KEAP1: variants seen among roughly 807,000 people sequenced by gnomAD.
KEAP1 encodes kelch like ECH associated protein 1, also known as kelch-like ECH-associated protein 1.
A neutral mutation model predicts 59.7 loss-of-function variants in KEAP1; 26 were observed. That is an observed-to-expected ratio of 0.44 (90% CI 0.32 to 0.60). The LOEUF is 0.60. KEAP1 is among the 20% of genes least tolerant of loss of function. The probability of loss-of-function intolerance (pLI) is 0.06; values close to 1 mark genes in which losing one functional copy is unlikely to be tolerated. For missense variants in KEAP1, 539 were observed against 871.4 expected, an observed-to-expected ratio of 0.62 and a Z score of 4.80; for synonymous variants, 350 against 358.3, an observed-to-expected ratio of 0.98 and a Z score of 0.26.
chr19:10,489,008 T>C lies in KEAP1; in HGVS notation c.1708+184A>G, dbSNP rs140746830. Among the ~76,000 whole-genome samples, 20 of 142,000 alleles carry C rather than the reference T, an allele frequency of 1.4e-4. No individual in the cohort carries two copies. In the East Asian group the frequency reaches 3.7e-3, roughly 26 times the overall value. The allele number at this position is 142,000 out of a possible 152,430, so 93.2% of individuals were successfully genotyped here. On this transcript the variant is annotated intron_variant, in intron 5 of 5. Coordinates refer to ENST00000171111, the MANE Select transcript of KEAP1 (RefSeq NM_203500.2). ...TACTTGGGAGGCTGAGGCAGGAGGA[T>C]GGCTGGAGCCCAGGCTGTTGAGGCT...
Position 10,492,503 on chromosome 19 carries a change from G to T in KEAP1, c.640-241C>A, listed in dbSNP as rs1189059445. On this transcript the variant is annotated intron_variant, in intron 2 of 5. Transcript: ENST00000171111. ...GGAGGCCGAGGCTGGCGGATCACGAGGTCAGGAGTTGAGAGACAAGCCTGG... is the reference window on the plus strand; with the variant it reads ...GGAGGCCGAGGCTGGCGGATCACGATGTCAGGAGTTGAGAGACAAGCCTGG... The T allele has an allele frequency of 9.9e-6, 5 of 504,494 alleles. No individual in the cohort carries two copies. In the East Asian group the frequency reaches 1.4e-4, roughly 14 times the overall value. 31.3% of individuals were successfully genotyped at this position (504,494 alleles called of 1,614,324 possible).
At chr19:10,496,360 G>A (rs1914849769) in intron 2 of KEAP1, among the ~76,000 whole-genome samples, 1 of 151,336 alleles carries the variant, frequency 6.6e-6, no homozygotes, top group Non-Finnish European at 1.5e-5. Context: ...TCTGGGCATG[G>A]TGACACATGC....
At chr19:10,487,396 C>A (rs984306609) in intron 5 of KEAP1, among the ~76,000 whole-genome samples, 4 of 152,280 alleles carry the variant, frequency 2.6e-5, no homozygotes, top group South Asian at 2.1e-4. Flanking sequence ...GTGGCTCATG[C>A]CTGCAATCCC....
chr19:10,488,142 C>T (rs958118557), intron 5 of KEAP1, among the ~76,000 whole-genome samples: 5 of 151,340 alleles, frequency 3.3e-5, no homozygotes, highest in Admixed American at 2.0e-4. Flanking sequence ...AAAAAATTAG[C>T]TAGGCGTGGT....
intron 1 of KEAP1, among the ~76,000 whole-genome samples, chr19:10,500,708 GTC>G (rs1210317187): frequency 7.4e-6 from 1 of 134,362 alleles, no homozygotes; most frequent in Non-Finnish European, 1.6e-5. Context: ...TTCAGATGGA[GTC>G]TCTCTGTCAC....
chr19:10,500,528 A>C (rs1384006866), intron 1 of KEAP1, among the ~76,000 whole-genome samples: 2 of 152,198 alleles, frequency 1.3e-5, no homozygotes, highest in African/African-American at 4.8e-5. Context: ...AAGACACAGC[A>C]GTGAGCAAAA....
At chr19:10,497,073 G>A (rs1381559694) in intron 2 of KEAP1, among the ~76,000 whole-genome samples, 1 of 150,736 alleles carries the variant, frequency 6.6e-6, no homozygotes, top group Non-Finnish European at 1.5e-5. Context: ...GCAGTGAGCC[G>A]ATACAGTGCC....
In KEAP1 at chr19:10,499,493, G is replaced by C. The variant is rs2144625205; in HGVS notation, c.541C>G (p.Pro181Ala). Reference sequence around the variant, plus strand: ...TTGGCGATGCCGATGGCATTGCTGGGGTCCAGCTGCTGCACCAGGAAGTCA... The same window carrying C: ...TTGGCGATGCCGATGGCATTGCTGGCGTCCAGCTGCTGCACCAGGAAGTCA... ...CSDFLVQQLD[P>A]SNAIGIANFA... The change falls in exon 2 of 6, where the codon CCC (proline) becomes GCC (alanine). Residue 181 changes from proline to alanine, a missense_variant. Physicochemically the swap from Pro to Ala is conservative, Grantham distance 27. Around this residue, in one of 4 missense-constraint regions of KEAP1, gnomAD observed 166 missense variants for 295.8 expected, o/e 0.56. Coordinates refer to ENST00000171111, the MANE Select transcript of KEAP1 (RefSeq NM_203500.2). The surrounding 1 kb of genome is among the most constrained non-coding windows in gnomAD (Gnocchi z 6.7). 6.2e-7 allele frequency: 1 copy of C among 1,614,148 alleles called. No individual in the cohort carries two copies. Among genetic ancestry groups the C allele is most frequent in the Non-Finnish European group, 8.5e-7 (1 of 1,180,042 alleles).
Position 10,500,694 on chromosome 19 carries a change from T to C in KEAP1, c.-47-614A>G, listed in dbSNP as rs1004359348. The stretch of plus-strand genomic sequence containing the variant: ...GCAGTTTGTTTGCTTTTTTTTTTTT[T>C]TTTTTCAGATGGAGTCTCTCTGTCA... On this transcript the variant is annotated intron_variant, in intron 1 of 5. Transcript: ENST00000171111. 1.8e-3 allele frequency among the ~76,000 whole-genome samples: 261 copies of C among 147,492 alleles called. 3 individuals carry two copies. The highest frequency in any genetic ancestry group is 3.4e-3 in the Middle Eastern group (1 of 292).
At position 10,489,757 on chromosome 19, in the gene KEAP1, G is replaced by A. The variant is rs1274801859; in HGVS notation, c.1422C>T (p.Ala474=). The A allele has an allele frequency of 7.4e-6, 12 of 1,613,878 alleles. No individual in the cohort carries two copies. Among genetic ancestry groups the A allele is most frequent in the Admixed American group, 5.0e-5 (3 of 59,900 alleles). ...GGTTTGTCCCGTCAAAGCCCCCCAC[G>A]GCATAAAGGAGACGATTGAGGACAG... The part of the protein sequence containing the change: ...GVAVLNRLLY[A]VGGFDGTNRL... Residue 474 remains alanine (A), a synonymous_variant, in exon 4 of 6, where the codon GCC becomes GCT. Transcript: ENST00000171111.
At chr19:10,500,881 T>C (rs1915022215) in intron 1 of KEAP1, among the ~76,000 whole-genome samples, 1 of 152,088 alleles carries the variant, frequency 6.6e-6, no homozygotes, top group Admixed American at 6.6e-5. Flanking sequence ...GGTTTCGCCA[T>C]GTTGGCCAGG....
intron 2 of KEAP1, among the ~76,000 whole-genome samples, chr19:10,494,085 G>A (rs1386042914): frequency 6.6e-6 from 1 of 151,932 alleles, no homozygotes; most frequent in South Asian, 2.1e-4. Flanking sequence ...GGGACTACAG[G>A]TGTGTGCCAC....
chr19:10,499,949 C>T lies in KEAP1; in HGVS notation c.85G>A (p.Asp29Asn), dbSNP rs768189808. ...LQSQCPEGAG[D>N]AVMYASTECK... ...TCAGTGGAGGCGTACATCACCGCGT[C>T]CCCTGCCCCCTCAGGGCACTGTGAC... The change falls in exon 2 of 6, where the codon GAC (aspartate) becomes AAC (asparagine). Residue 29 changes from aspartate to asparagine, a missense_variant. Transcript: ENST00000171111. This position sits in a 1 kb window ranked among gnomAD's most constrained non-coding sequence, Gnocchi z 6.7. 6.2e-7 allele frequency: 1 copy of T among 1,607,372 alleles called. No homozygotes were observed. The highest frequency in any genetic ancestry group is 2.2e-5 in the East Asian group (1 of 44,744).
chr19:10,492,487 G>A, intron 2 of KEAP1: 1 of 533,350 alleles, frequency 1.9e-6, no homozygotes. Flanking sequence ...GGGAGGCCGA[G>A]GCTGGCGGAT....
At chr19:10,492,522 A>G (rs1914710020) in intron 2 of KEAP1, 1 of 465,820 alleles carries the variant, frequency 2.1e-6, no homozygotes, top group African/African-American at 2.0e-5. Flanking sequence ...TTGAGAGACA[A>G]GCCTGGCCAA....
At chr19:10,487,036 TAA>T (rs35072591) in intron 5 of KEAP1, among the ~76,000 whole-genome samples, 15,599 of 92,200 alleles carry the variant, frequency 0.17, 1,647 homozygotes, top group East Asian at 0.36. Context: ...AGTCTCTTAC[TAA>T]AAAAAAAAAA....
Position 10,486,600 on chromosome 19 carries a change from A to C in KEAP1, c.*52T>G. 2 of 1,546,060 alleles carry C rather than the reference A, an allele frequency of 1.3e-6. No homozygotes were observed. The highest frequency in any genetic ancestry group is 2.3e-5 in the East Asian group (1 of 43,742). ...CTTTTAGTCCCGGTTTTTGTACAAA[A>C]ACAATGATACTCCCCATTGGACTGT... On this transcript the variant is annotated 3_prime_UTR_variant, in exon 6 of 6. Coordinates refer to ENST00000171111, the MANE Select transcript of KEAP1 (RefSeq NM_203500.2).
intron 5 of KEAP1, 94 bp downstream of exon 5, chr19:10,489,094 TAAAA>T (rs33966407): frequency 0.043 from 17,866 of 418,336 alleles, 10 homozygotes; most frequent in East Asian, 0.072. Context: ...ACCTTGTTTC[TAAAA>T]AAAAAAAAAA....
intron 2 of KEAP1, among the ~76,000 whole-genome samples, chr19:10,497,992 C>T (rs1914906743): frequency 6.6e-6 from 1 of 151,918 alleles, no homozygotes; most frequent in African/African-American, 2.4e-5. Context: ...CCTCCGCCTC[C>T]CGGGTTCAAG....
Sources: gnomAD v4.1 joint callset for allele counts (sites outside exome capture counted in the v4.1 genomes callset) on GRCh38, gnomAD v4.1.1 for gene constraint, gnomAD v4.1.1 regional missense constraint, Gnocchi (gnomAD v3.1) non-coding constraint, MANE v1.5 for transcripts, NCBI Gene and HGNC (gene_info 2026-07-23, HGNC 2026-07-21) for gene names.